The following TAF15 variants were observed in gnomAD, a reference collection of about 807,000 sequenced individuals.
TAF15 encodes TATA-box binding protein associated factor 15.
Under a neutral mutation model 102.5 loss-of-function variants are expected in TAF15, and 37 were observed. That is an observed-to-expected ratio of 0.36 (90% CI 0.28 to 0.47). TAF15 has a LOEUF of 0.47. Ranked by LOEUF, TAF15 falls within the 20% of genes least tolerant of loss-of-function variation. TAF15 has a pLI of 0.99. For synonymous variants in TAF15, 273 were observed against 259.2 expected, an observed-to-expected ratio of 1.05 and a Z score of -0.51; for missense variants, 652 against 760.7, an observed-to-expected ratio of 0.86 and a Z score of 1.68.
At chr17:35,833,699 A>T in intron 7 of TAF15, 1 of 579,980 alleles carries the variant, frequency 1.7e-6, no homozygotes, top group Non-Finnish European at 3.1e-6. Flanking sequence ...AATAAGCTTG[A>T]AAAGACATCT....
Position 35,838,515 on chromosome 17 carries a change from A to AC in TAF15, c.878dup (p.Pro294SerfsTer4). 6.2e-7 allele frequency: 1 copy of AC among 1,614,142 alleles called. No individual in the cohort carries two copies. Among genetic ancestry groups the AC allele is most frequent in the Non-Finnish European group, 8.5e-7 (1 of 1,180,026 alleles). On this transcript the variant is annotated frameshift_variant, in exon 11 of 16. Coordinates refer to ENST00000605844, the MANE Select transcript of TAF15 (RefSeq NM_139215.3). LOFTEE classifies it high-confidence loss of function. The stretch of plus-strand genomic sequence containing the variant: ...GGGGAGGCAACAGTGTCATTTGATG[A>AC]CCCTCCTTCAGCTAAGGCAGCCATT...
chr17:35,816,481 T>G (rs540992246), intron 1 of TAF15, among the ~76,000 whole-genome samples: 1 of 152,170 alleles, frequency 6.6e-6, no homozygotes, highest in African/African-American at 2.4e-5. Flanking sequence ...GAAGAGTTCA[T>G]CTCTTAAAAA....
At chr17:35,811,478 TTA>T (rs1426705271) in intron 1 of TAF15, 1 of 152,270 alleles carries the variant, frequency 6.6e-6, no homozygotes, top group Non-Finnish European at 1.5e-5. Flanking sequence ...GGTATACTAT[TTA>T]TATGTTTTGT....
At chr17:35,840,968 G>A (rs919506265) in intron 11 of TAF15, among the ~76,000 whole-genome samples, 2 of 152,188 alleles carry the variant, frequency 1.3e-5, no homozygotes, top group African/African-American at 2.4e-5. Context: ...TGAAGGCTAA[G>A]TCCATTCTTT....
chr17:35,841,448 A>G lies in TAF15; in HGVS notation c.914-919A>G, dbSNP rs1205409848. Among the ~76,000 whole-genome samples the G allele has an allele frequency of 4.0e-5, 6 of 150,766 alleles. No individual in the cohort carries two copies. The East Asian group carries it at 9.7e-4, about 24-fold the overall frequency. On this transcript the variant is annotated intron_variant, in intron 11 of 15. Transcript: ENST00000605844. ...TACAGGTTTTAGTTTTTTTTTCCCCATGGGAACAGGTAGACATGTGCACCT... is the reference window on the plus strand; with the variant it reads ...TACAGGTTTTAGTTTTTTTTTCCCCGTGGGAACAGGTAGACATGTGCACCT...
chr17:35,812,128 A>C (rs16971518), intron 1 of TAF15, among the ~76,000 whole-genome samples: 3 of 152,176 alleles, frequency 2.0e-5, no homozygotes, highest in Non-Finnish European at 4.4e-5. Context: ...TCTAGACTTA[A>C]TGTGTTATGG....
chr17:35,822,607 A>G (rs372424991), intron 5 of TAF15, 33 bp from the exon 6 acceptor site: 39 of 1,599,476 alleles, frequency 2.4e-5, no homozygotes, highest in Non-Finnish European at 2.7e-5. Context: ...TAATCTTCCT[A>G]TGAAGTCTCT....
intron 8 of TAF15, 172 bp from the exon 9 acceptor site, chr17:35,834,394 T>A (rs1272852020): frequency 1.6e-6 from 1 of 642,618 alleles, no homozygotes; most frequent in East Asian, 2.8e-5. Flanking sequence ...CTTGATTTCC[T>A]AAACTTTAAA....
At position 35,824,067 on chromosome 17, in the gene TAF15, C is replaced by CT. The variant is rs767302230; in HGVS notation, c.485-5dup. 3.2e-5 allele frequency: 52 copies of CT among 1,613,818 alleles called. No individual in the cohort carries two copies. In the South Asian group the frequency reaches 3.5e-4, roughly 11 times the overall value. ...AGTGGTTATTTGTGTGTAATATTTT[C>CT]TTTTTTGTAGATGACCGTCGTGATG... On this transcript the variant is annotated splice_polypyrimidine_tract_variant and intron_variant, in intron 6 of 15. Coordinates refer to ENST00000605844, the MANE Select transcript of TAF15 (RefSeq NM_139215.3).
rs760194282 is a variant in TAF15 at position 35,834,614 on chromosome 17, G to A, written c.673+16G>A. On this transcript the variant is annotated intron_variant, in intron 9 of 15. Coordinates refer to ENST00000605844, the MANE Select transcript of TAF15 (RefSeq NM_139215.3). The stretch of plus-strand genomic sequence containing the variant: ...ACAGATGCTGGTAAGGTTTATGGTG[G>A]TTTGTCACTTTGCCATTAAGAAAAT... 6.2e-7 allele frequency: 1 copy of A among 1,611,542 alleles called. No homozygotes were observed. Among genetic ancestry groups the A allele is most frequent in the Non-Finnish European group, 8.5e-7 (1 of 1,179,156 alleles).
chr17:35,816,364 G>T (rs948437015), intron 1 of TAF15, among the ~76,000 whole-genome samples: 1 of 152,192 alleles, frequency 6.6e-6, no homozygotes, highest in African/African-American at 2.4e-5. Flanking sequence ...GCTGGGCGTG[G>T]TGCTGCACAC....
intron 2 of TAF15, among the ~76,000 whole-genome samples, 175 bp from the exon 3 acceptor site, chr17:35,819,845 ATTTC>A (rs2087238671): frequency 6.6e-6 from 1 of 152,116 alleles, no homozygotes; most frequent in African/African-American, 2.4e-5. Context: ...GACTTCATGT[ATTTC>A]TTTAACAGTC....
intron 7 of TAF15, among the ~76,000 whole-genome samples, chr17:35,832,218 G>T (rs1047609299): frequency 2.6e-5 from 4 of 152,186 alleles, no homozygotes; most frequent in African/African-American, 9.7e-5. Context: ...AGTAAAGGGA[G>T]GGCTTTAGTA....
intron 1 of TAF15, among the ~76,000 whole-genome samples, chr17:35,815,357 T>A (rs1156292488): frequency 6.6e-6 from 1 of 152,250 alleles, no homozygotes; most frequent in Non-Finnish European, 1.5e-5. Flanking sequence ...CTCTGATGAA[T>A]GTAAAACACC....
At chr17:35,836,264 G>A (rs1193967713) in intron 10 of TAF15, 23 bp downstream of exon 10, 2 of 1,450,704 alleles carry the variant, frequency 1.4e-6, no homozygotes, top group African/African-American at 2.8e-5. Context: ...ATTATATGTT[G>A]AAAATCTCAT....
chr17:35,814,191 A>T (rs570833857), intron 1 of TAF15, among the ~76,000 whole-genome samples: 1 of 150,612 alleles, frequency 6.6e-6, no homozygotes, highest in Non-Finnish European at 1.5e-5. Context: ...TTTGAGATGG[A>T]GTCTCGCTCT....
intron 12 of TAF15, among the ~76,000 whole-genome samples, chr17:35,843,852 G>A (rs921625735): frequency 2.0e-5 from 3 of 152,194 alleles, no homozygotes; most frequent in Non-Finnish European, 2.9e-5. Flanking sequence ...AAGTTTTCTA[G>A]TGCATTATTT....
At chr17:35,811,143 C>T (rs1012633102) in intron 1 of TAF15, 6 of 152,124 alleles carry the variant, frequency 3.9e-5, no homozygotes, top group Non-Finnish European at 8.8e-5. Context: ...TGGTTTCAGT[C>T]CTCATTAAAA....
At chr17:35,826,067 T>A (rs2087321834) in intron 7 of TAF15, among the ~76,000 whole-genome samples, 1 of 152,214 alleles carries the variant, frequency 6.6e-6, no homozygotes, top group Admixed American at 6.5e-5. Flanking sequence ...AGTACCTTAA[T>A]CAACCCTGGG....
Sources: allele counts gnomAD v4.1 joint callset (sites outside exome capture counted in the v4.1 genomes callset), GRCh38; gene constraint gnomAD v4.1.1; transcripts MANE v1.5; gene names NCBI Gene and HGNC (gene_info 2026-07-23, HGNC 2026-07-21).